The following ZFHX3 variants were observed in gnomAD, a reference collection of about 807,000 sequenced individuals.
The protein encoded by ZFHX3 is zinc finger homeobox 3.
Under a neutral mutation model 279.1 loss-of-function variants are expected in ZFHX3, and 42 were observed. The observed-to-expected ratio is 0.15, with a 90% CI of 0.12 to 0.19. The LOEUF is 0.19. Ranked by LOEUF, ZFHX3 falls within the 10% of genes least tolerant of loss-of-function variation. The pLI is 1.00. For synonymous variants in ZFHX3, 2,293 were observed against 1,957.8 expected (o/e 1.17, Z -4.52); for missense variants, 4,981 against 4,754.0 (o/e 1.05, Z -1.40).
chr16:73,511,353 C>T (rs908837590), intron 2 of ZFHX3, among the ~76,000 whole-genome samples: 3 of 152,174 alleles, frequency 2.0e-5, no homozygotes, highest in African/African-American at 7.2e-5. Context: ...GTCCCCTGCT[C>T]TGTTTCTAGG....
intron 4 of ZFHX3, among the ~76,000 whole-genome samples, chr16:72,888,032 G>C (rs1051214260): frequency 4.6e-5 from 7 of 152,000 alleles, no homozygotes; most frequent in Non-Finnish European, 8.8e-5. Context: ...AAAGCCAAGA[G>C]GTAACATCTA....
chr16:73,569,423 C>G (rs1173171771), intron 2 of ZFHX3, among the ~76,000 whole-genome samples: 2 of 151,152 alleles, frequency 1.3e-5, no homozygotes, highest in African/African-American at 4.9e-5. Flanking sequence ...CCTAAAAACT[C>G]CGAAAGAGAT....
intron 4 of ZFHX3, among the ~76,000 whole-genome samples, chr16:72,837,226 C>G (rs747268771): frequency 6.6e-6 from 1 of 152,230 alleles, no homozygotes; most frequent in Non-Finnish European, 1.5e-5. Context: ...AAAGACCTCT[C>G]TCCACCTGCT....
At chr16:73,780,724 G>C (rs536064329) in intron 1 of ZFHX3, among the ~76,000 whole-genome samples, 1 of 152,216 alleles carries the variant, frequency 6.6e-6, no homozygotes, top group East Asian at 1.9e-4. Context: ...TTACAGGCAC[G>C]AGCCACTGTG....
chr16:72,982,288 A>T (rs1344176786), intron 1 of ZFHX3, among the ~76,000 whole-genome samples: 3 of 152,178 alleles, frequency 2.0e-5, no homozygotes, highest in African/African-American at 7.2e-5. Context: ...ATTCATTCAA[A>T]CATCTGAGTG....
At position 73,757,044 on chromosome 16, in the gene ZFHX3, G is replaced by A. The variant is rs1018149216; in HGVS notation, c.-1607-76804C>T. 9.9e-5 allele frequency among the ~76,000 whole-genome samples: 15 copies of A among 152,256 alleles called. No homozygotes were observed. The East Asian group carries it at 1.2e-3, about 12-fold the overall frequency. ...TACCCATTAGTCACCATAAGGAAAT[G>A]CAGGAACAAACGTGGGCTTACAGAT... On this transcript the variant is annotated intron_variant, in intron 1 of 17. Transcript: ENST00000641206.
intron 1 of ZFHX3, among the ~76,000 whole-genome samples, chr16:73,012,296 G>A (rs1963943532): frequency 6.6e-6 from 1 of 152,228 alleles, no homozygotes; most frequent in East Asian, 1.9e-4. Flanking sequence ...TGCATAGGAT[G>A]GAGCCATGTT....
intron 1 of ZFHX3, among the ~76,000 whole-genome samples, chr16:72,988,237 A>C (rs1962928416): frequency 6.6e-6 from 1 of 152,212 alleles, no homozygotes; most frequent in African/African-American, 2.4e-5. Flanking sequence ...ACAAATTTAG[A>C]AGCTTTCCAA....
At chr16:73,132,091 G>C (rs1377543818) in intron 6 of ZFHX3, among the ~76,000 whole-genome samples, 1 of 152,098 alleles carries the variant, frequency 6.6e-6, no homozygotes, top group Admixed American at 6.5e-5. Context: ...TTCAAGACCA[G>C]CCTGGGCAAC....
chr16:73,455,500 T>C (rs538314885), intron 3 of ZFHX3, among the ~76,000 whole-genome samples: 1 of 152,274 alleles, frequency 6.6e-6, no homozygotes, highest in East Asian at 1.9e-4. Context: ...AGAAAGGTGA[T>C]GCTGAAGAGA....
intron 2 of ZFHX3, among the ~76,000 whole-genome samples, chr16:73,478,120 A>C (rs2018794998): frequency 6.6e-6 from 1 of 151,762 alleles, no homozygotes; most frequent in African/African-American, 2.4e-5. Context: ...AAAATACAAA[A>C]CCTAGCTGGG....
At chr16:73,308,359 C>G (rs953393150) in intron 4 of ZFHX3, among the ~76,000 whole-genome samples, 1 of 151,124 alleles carries the variant, frequency 6.6e-6, no homozygotes, top group Admixed American at 6.6e-5. Context: ...CTCACTGCCA[C>G]TTCCACCTCC....
In ZFHX3 at chr16:73,190,661, G is replaced by C. The variant is rs550747363; in HGVS notation, c.-1103-46830C>G. Among the ~76,000 whole-genome samples the C allele has an allele frequency of 1.9e-4, 29 of 152,274 alleles. 1 individual carries two copies. The South Asian group carries it at 5.8e-3, about 30-fold the overall frequency. On this transcript the variant is annotated intron_variant, in intron 5 of 17. Transcript: ENST00000641206. ...TTCACTTTTCTGTCTCCATTTCCAG[G>C]GTGAGATACACAGCTGGAAAAGCTA...
intron 1 of ZFHX3, among the ~76,000 whole-genome samples, chr16:73,839,596 G>T (rs1961245634): frequency 1.3e-5 from 2 of 152,076 alleles, no homozygotes; most frequent in African/African-American, 2.4e-5. Flanking sequence ...ATGTTCAAGG[G>T]GATTTTAAGT....
chr16:73,170,604 A>G (rs1967499048), intron 5 of ZFHX3, among the ~76,000 whole-genome samples: 1 of 152,218 alleles, frequency 6.6e-6, no homozygotes, highest in South Asian at 2.1e-4. Context: ...AGAAGCGGAC[A>G]GAAACAGTTG....
intron 1 of ZFHX3, among the ~76,000 whole-genome samples, chr16:73,782,663 G>A (rs769230235): frequency 6.6e-6 from 1 of 152,200 alleles, no homozygotes; most frequent in Admixed American, 6.5e-5. Context: ...CTGAGCAGGA[G>A]TGACAAGCTT....
intron 2 of ZFHX3, among the ~76,000 whole-genome samples, chr16:73,513,140 T>A (rs538486245): frequency 2.5e-4 from 38 of 152,290 alleles, no homozygotes; most frequent in African/African-American, 8.9e-4. Flanking sequence ...TGCACATAGA[T>A]GAAAAGCATG....
At position 73,610,967 on chromosome 16, in the gene ZFHX3, A is replaced by G. The variant is rs1353733317; in HGVS notation, c.-1547+69213T>C. ...CTGAGACAAGCTTTCTCTTGCACCT[A>G]TCTGATGGAGGCTTTGTCAGCCGCT... On this transcript the variant is annotated intron_variant, in intron 2 of 17. Transcript: ENST00000641206. 2.6e-5 allele frequency among the ~76,000 whole-genome samples: 4 copies of G among 152,194 alleles called. No homozygotes were observed. In the South Asian group the frequency reaches 6.2e-4, roughly 24 times the overall value.
chr16:73,624,731 A>C (rs970811054), intron 2 of ZFHX3, among the ~76,000 whole-genome samples: 9 of 152,110 alleles, frequency 5.9e-5, no homozygotes, highest in Non-Finnish European at 8.8e-5. Flanking sequence ...TACAACTGCC[A>C]GGGAGAAGCC....
Sources: gnomAD v4.1 joint callset for allele counts (sites outside exome capture counted in the v4.1 genomes callset) on GRCh38, gnomAD v4.1.1 for gene constraint, MANE v1.5 for transcripts, NCBI Gene and HGNC (gene_info 2026-07-23, HGNC 2026-07-21) for gene names.